The following KIRREL3 variants were observed in gnomAD, a reference collection of about 807,000 sequenced individuals.
KIRREL3 encodes the protein kirre like nephrin family adhesion molecule 3, also known as kin of IRRE-like protein 3.
In KIRREL3, 36 loss-of-function variants were observed where a neutral mutation model predicts 89.7. The observed-to-expected ratio is 0.40, with a 90% CI of 0.31 to 0.53. The LOEUF (loss-of-function observed/expected upper bound fraction) is 0.53, where lower values mean the gene tolerates loss of function less well. KIRREL3 is among the 20% of genes least tolerant of loss of function. The pLI is 0.49. For synonymous variants in KIRREL3, 445 were observed against 441.4 expected, an observed-to-expected ratio of 1.01 and a Z score of -0.10; for missense variants, 864 against 1,056.6, an observed-to-expected ratio of 0.82 and a Z score of 2.53.
At chr11:126,451,335 T>TGTGTGCATGTGTGCGC (rs1555109143) in intron 7 of KIRREL3, among the ~76,000 whole-genome samples, 1 of 141,088 alleles carries the variant, frequency 7.1e-6, no homozygotes, top group Non-Finnish European at 1.5e-5. Flanking sequence ...CATTAGTGAG[T>TGTGTGCATGTGTGCGC]GTGTGCATGT....
At chr11:126,823,572 T>C (rs1032026996) in intron 1 of KIRREL3, among the ~76,000 whole-genome samples, 1 of 152,166 alleles carries the variant, frequency 6.6e-6, no homozygotes, top group Non-Finnish European at 1.5e-5. Flanking sequence ...CTCCAGAGCC[T>C]GGATGGTCTC....
At chr11:126,858,048 C>T (rs150891197) in intron 1 of KIRREL3, among the ~76,000 whole-genome samples, 331 of 152,298 alleles carry the variant, frequency 2.2e-3, no homozygotes, top group Admixed American at 3.9e-3. Flanking sequence ...CCCCACTTAC[C>T]GTGTGAACTG....
rs1251547670 is a variant in KIRREL3 at position 126,912,318 on chromosome 11, C to A, written c.55+88137G>T. Among the ~76,000 whole-genome samples, 1 of 152,170 alleles carries A rather than the reference C, an allele frequency of 6.6e-6. No homozygotes were observed. The highest frequency in any genetic ancestry group is 1.5e-5 in the Non-Finnish European group (1 of 68,028). Reference sequence around the variant, plus strand: ...GACCTGCAGGTGCTGCCCACATGTGCCCTGGGCTGGTCCTCCCTCAGCTCC... The same window carrying A: ...GACCTGCAGGTGCTGCCCACATGTGACCTGGGCTGGTCCTCCCTCAGCTCC... On this transcript the variant is annotated intron_variant, in intron 1 of 16. Transcript: ENST00000525144. This position sits in a 1 kb window ranked among gnomAD's most constrained non-coding sequence, Gnocchi z 4.7.
chr11:126,809,709 G>C (rs147128317), intron 1 of KIRREL3, among the ~76,000 whole-genome samples: 1 of 152,160 alleles, frequency 6.6e-6, no homozygotes, highest in Non-Finnish European at 1.5e-5. Context: ...CTAAGGCCCC[G>C]CCCTGTACAG....
rs960073787 is a variant in KIRREL3 at position 126,764,828 on chromosome 11, A to G, written c.56-201916T>C. Among the ~76,000 whole-genome samples, 3 of 152,172 alleles carry G rather than the reference A, an allele frequency of 2.0e-5. No homozygotes were observed. Among genetic ancestry groups the G allele is most frequent in the African/African-American group, 7.2e-5 (3 of 41,444 alleles). ...GTCCAACTTCAGAACTCAGAGGGGCAGCTCTCCTTTGGACTAGGCCTTTGG... is the reference window on the plus strand; with the variant it reads ...GTCCAACTTCAGAACTCAGAGGGGCGGCTCTCCTTTGGACTAGGCCTTTGG... On this transcript the variant is annotated intron_variant, in intron 1 of 16. Coordinates refer to ENST00000525144, the MANE Select transcript of KIRREL3 (RefSeq NM_032531.4). This position sits in a 1 kb window ranked among gnomAD's most constrained non-coding sequence, Gnocchi z 4.2.
chr11:126,473,336 C>T lies in KIRREL3; in HGVS notation c.564G>A (p.Glu188=), dbSNP rs1396632726. 4.0e-6 allele frequency: 6 copies of T among 1,513,900 alleles called. No individual in the cohort carries two copies. The highest frequency in any genetic ancestry group is 5.3e-6 in the Non-Finnish European group (6 of 1,128,534). The allele number at this position is 1,513,900 out of a possible 1,614,324, so 93.8% of individuals were successfully genotyped here. A position where few individuals can be genotyped will look rare whatever the true frequency, so the allele number is the denominator to read the frequency against. ...TGGAGTAGGTGGCCCCATTGATGAC[C>T]TCTCCCTTTCGCAACCAGATGATGG... is the stretch of plus-strand genomic sequence containing the variant. ...AASIIWLRKG[E]VINGATYSKT... Residue 188 remains glutamate (E), a synonymous_variant, in exon 5 of 17, where the codon GAG becomes GAA. Coordinates refer to ENST00000525144, the MANE Select transcript of KIRREL3 (RefSeq NM_032531.4).
In KIRREL3 at chr11:126,561,712, C is replaced by T. The variant is rs1940136364; in HGVS notation, c.133+1123G>A. The stretch of plus-strand genomic sequence containing the variant: ...GATGCTGTTGGCTTCAGGCAGGCAG[C>T]AAATGGGGGAGGTGATCACTTCCTG... On this transcript the variant is annotated intron_variant, in intron 2 of 16. Coordinates refer to ENST00000525144, the MANE Select transcript of KIRREL3 (RefSeq NM_032531.4). The surrounding 1 kb of genome is among the most constrained non-coding windows in gnomAD (Gnocchi z 4.5). Among the ~76,000 whole-genome samples, 1 of 152,182 alleles carries T rather than the reference C, an allele frequency of 6.6e-6. No homozygotes were observed. The highest frequency in any genetic ancestry group is 2.1e-4 in the South Asian group (1 of 4,830).
At chr11:126,585,220 C>CTTTTTTTT (rs3042225) in intron 1 of KIRREL3, among the ~76,000 whole-genome samples, 2 of 81,888 alleles carry the variant, frequency 2.4e-5, no homozygotes, top group African/African-American at 1.2e-4. Flanking sequence ...CGCCCGGCCT[C>CTTTTTTTT]TTTTTTTTTT....
intron 1 of KIRREL3, among the ~76,000 whole-genome samples, chr11:126,730,561 C>T (rs75639502): frequency 0.013 from 1,965 of 152,264 alleles, 46 homozygotes; most frequent in African/African-American, 0.045. Flanking sequence ...TTGGCAACGT[C>T]CAGGGACAAT....
At chr11:126,863,524 CGTGTGTGAGTGCGTGTGA>C (rs1296338942) in intron 1 of KIRREL3, among the ~76,000 whole-genome samples, 3 of 113,776 alleles carry the variant, frequency 2.6e-5, no homozygotes, top group Non-Finnish European at 5.5e-5. Context: ...TGTTTGAGTG[CGTGTGTGAGTGCGTGTGA>C]GTGTGTGAGT....
intron 6 of KIRREL3, among the ~76,000 whole-genome samples, chr11:126,460,879 C>G (rs931175117): frequency 6.6e-6 from 1 of 152,222 alleles, no homozygotes; most frequent in Non-Finnish European, 1.5e-5. Flanking sequence ...TAGATTGTCA[C>G]TTTTGTCCAG....
intron 6 of KIRREL3, among the ~76,000 whole-genome samples, chr11:126,461,178 A>G (rs1439167974): frequency 6.6e-6 from 1 of 152,232 alleles, no homozygotes; most frequent in Non-Finnish European, 1.5e-5. Context: ...CAGCCCACCC[A>G]TGGGTTGTGG....
Position 126,769,917 on chromosome 11 carries a change from G to A in KIRREL3, c.56-207005C>T, listed in dbSNP as rs1016324899. ...ACATACCCAGGGGGGTTGGCTTGGC[G>A]GAGTGTTGGGCACATAGCTAGAGCT... On this transcript the variant is annotated intron_variant, in intron 1 of 16. Transcript: ENST00000525144. The surrounding 1 kb of genome is among the most constrained non-coding windows in gnomAD (Gnocchi z 4.3). Among the ~76,000 whole-genome samples, 23 of 152,280 alleles carry A rather than the reference G, an allele frequency of 1.5e-4. No homozygotes were observed. The highest frequency in any genetic ancestry group is 3.9e-4 in the African/African-American group (16 of 41,558).
Position 126,943,659 on chromosome 11 carries a change from G to A in KIRREL3, c.55+56796C>T, listed in dbSNP as rs1194510131. Among the ~76,000 whole-genome samples the A allele has an allele frequency of 6.6e-6, 1 of 152,186 alleles. No homozygotes were observed. The highest frequency in any genetic ancestry group is 1.5e-5 in the Non-Finnish European group (1 of 68,040). On this transcript the variant is annotated intron_variant, in intron 1 of 16. Transcript: ENST00000525144. The surrounding 1 kb of genome is among the most constrained non-coding windows in gnomAD (Gnocchi z 4.2). ...GGCAGGGAAAGGGCATGACTGCAGG[G>A]TCACCAGGGCCAGAATGACTGATGT... is the stretch of plus-strand genomic sequence containing the variant.
chr11:126,459,874 G>A lies in KIRREL3; in HGVS notation c.742+3283C>T, dbSNP rs1480919801. ...GTCCAGATGTGGTGAGGCTTTGGGG[G>A]TGTTAAGCTTTCTCTCCCATTACTC... On this transcript the variant is annotated intron_variant, in intron 6 of 16. Coordinates refer to ENST00000525144, the MANE Select transcript of KIRREL3 (RefSeq NM_032531.4). This position sits in a 1 kb window ranked among gnomAD's most constrained non-coding sequence, Gnocchi z 4.8. 6.6e-6 allele frequency among the ~76,000 whole-genome samples: 1 copy of A among 152,192 alleles called. No homozygotes were observed. The highest frequency in any genetic ancestry group is 2.1e-4 in the South Asian group (1 of 4,834).
chr11:126,716,692 A>C (rs902302818), intron 1 of KIRREL3, among the ~76,000 whole-genome samples: 2 of 131,284 alleles, frequency 1.5e-5, no homozygotes, highest in Non-Finnish European at 3.1e-5. Flanking sequence ...AAAACTGGCC[A>C]TATCAGTCAA....
At chr11:126,595,235 AG>A (rs2134724606) in intron 1 of KIRREL3, among the ~76,000 whole-genome samples, 1 of 152,364 alleles carries the variant, frequency 6.6e-6, no homozygotes, top group South Asian at 2.1e-4. Flanking sequence ...GGGCAGACAA[AG>A]GAGCTGCAGT....
chr11:126,558,906 A>G lies in KIRREL3; in HGVS notation c.133+3929T>C, dbSNP rs1010745342. ...TGTGTGCATGTATACATATGCATGC[A>G]GGTGTGTGCATTGTGTGTGTATGTG... On this transcript the variant is annotated intron_variant, in intron 2 of 16. Transcript: ENST00000525144. This position sits in a 1 kb window ranked among gnomAD's most constrained non-coding sequence, Gnocchi z 4.0. 1.3e-5 allele frequency among the ~76,000 whole-genome samples: 2 copies of G among 151,814 alleles called. No individual in the cohort carries two copies. Among genetic ancestry groups the G allele is most frequent in the African/African-American group, 4.8e-5 (2 of 41,318 alleles).
At chr11:126,580,748 G>C (rs1046603989) in intron 1 of KIRREL3, among the ~76,000 whole-genome samples, 1 of 152,004 alleles carries the variant, frequency 6.6e-6, no homozygotes, top group African/African-American at 2.4e-5. Context: ...TCTGATTCAG[G>C]AAGGAAGAAC....
Sources: gnomAD v4.1 joint callset for allele counts (sites outside exome capture counted in the v4.1 genomes callset) on GRCh38, gnomAD v4.1.1 for gene constraint, Gnocchi (gnomAD v3.1) non-coding constraint, MANE v1.5 for transcripts, NCBI Gene and HGNC (gene_info 2026-07-23, HGNC 2026-07-21) for gene names.